SLC38A1: variants seen among roughly 807,000 people sequenced by gnomAD.
SLC38A1 encodes sodium-coupled neutral amino acid symporter 1.
A neutral mutation model predicts 60.3 loss-of-function variants in SLC38A1; 18 were observed. The observed-to-expected ratio is 0.30, with a 90% confidence interval of 0.21 to 0.44. SLC38A1 has a LOEUF of 0.44. Among genes scored for constraint, SLC38A1 ranks in the 20% least tolerant of loss-of-function variants. The pLI, the probability that SLC38A1 is intolerant of heterozygous loss-of-function variation, is 1.00. For missense variants in SLC38A1, 448 were observed against 587.2 expected (o/e 0.76, Z 2.45); for synonymous variants, 196 against 212.1 (o/e 0.92, Z 0.66).
chr12:46,240,586 A>C (rs1046369463), intron 2 of SLC38A1, among the ~76,000 whole-genome samples: 3 of 152,236 alleles, frequency 2.0e-5, no homozygotes, highest in African/African-American at 4.8e-5. Context: ...CTGCACAGAC[A>C]CAAAAGCACC....
rs1451340870 is a variant in SLC38A1, at chr12:46,186,864, T to G, written c.*2106A>C. Reference sequence around the variant, plus strand: ...AAAATAGAAAGTAGCATAATATAGCTTGCAAACTAAATTATGTATTTTTAA... The same window carrying G: ...AAAATAGAAAGTAGCATAATATAGCGTGCAAACTAAATTATGTATTTTTAA... On this transcript the variant is annotated 3_prime_UTR_variant, in exon 17 of 17. Coordinates refer to ENST00000398637, the MANE Select transcript of SLC38A1 (RefSeq NM_030674.4). The G allele has an allele frequency of 6.6e-6, 1 of 152,196 alleles. No individual in the cohort carries two copies. Among genetic ancestry groups the G allele is most frequent in the African/African-American group, 2.4e-5 (1 of 41,454 alleles). 9.4% of individuals were successfully genotyped at this position (152,196 alleles called of 1,614,324 possible).
At chr12:46,229,036 C>G in intron 5 of SLC38A1, 117 bp downstream of exon 5, 1 of 594,564 alleles carries the variant, frequency 1.7e-6, no homozygotes, top group Non-Finnish European at 2.9e-6. Flanking sequence ...GTACTTGTAA[C>G]TTAGCCAAGT....
At chr12:46,224,344 A>T (rs1364948305) in intron 5 of SLC38A1, among the ~76,000 whole-genome samples, 1 of 152,156 alleles carries the variant, frequency 6.6e-6, no homozygotes, top group Non-Finnish European at 1.5e-5. Flanking sequence ...AAAATCCAGC[A>T]CCATTCTTAC....
At chr12:46,203,959 T>G (rs1939775780) in intron 11 of SLC38A1, among the ~76,000 whole-genome samples, 1 of 152,188 alleles carries the variant, frequency 6.6e-6, no homozygotes, top group Non-Finnish European at 1.5e-5. Flanking sequence ...CTGTGCAACC[T>G]GAGGAAGTCT....
intron 5 of SLC38A1, among the ~76,000 whole-genome samples, chr12:46,212,277 T>G (rs1273755205): frequency 1.3e-5 from 2 of 152,238 alleles, no homozygotes; most frequent in East Asian, 3.8e-4. Context: ...GAGAAACACA[T>G]GCTGGGATTC....
At chr12:46,226,617 CTTTTTTTTTTTTTT>C (rs199599486) in intron 5 of SLC38A1, among the ~76,000 whole-genome samples, 4 of 123,010 alleles carry the variant, frequency 3.3e-5, no homozygotes, top group South Asian at 2.5e-4. Context: ...CATGGATTTC[CTTTTTTTTTTTTTT>C]TTTTTTTTTT....
intron 1 of SLC38A1, among the ~76,000 whole-genome samples, chr12:46,245,853 C>A (rs1941596608): frequency 6.6e-6 from 1 of 152,100 alleles, no homozygotes; most frequent in Non-Finnish European, 1.5e-5. Context: ...GATTTTTCTT[C>A]CTTTTTTATT....
intron 5 of SLC38A1, among the ~76,000 whole-genome samples, chr12:46,214,333 G>A (rs1434285817): frequency 1.3e-5 from 2 of 152,124 alleles, no homozygotes; most frequent in African/African-American, 4.8e-5. Flanking sequence ...TCTTTTTGCT[G>A]CAAGAAAATT....
intron 1 of SLC38A1, among the ~76,000 whole-genome samples, chr12:46,243,952 G>C (rs1292733873): frequency 1.3e-5 from 2 of 152,188 alleles, no homozygotes; most frequent in Non-Finnish European, 1.5e-5. Flanking sequence ...TGGCGTTATA[G>C]ATCAAAGGAG....
chr12:46,192,392 C>A lies in SLC38A1; in HGVS notation c.1363-3321G>T, dbSNP rs202012220. Among the ~76,000 whole-genome samples the A allele has an allele frequency of 3.0e-4, 46 of 152,130 alleles. No homozygotes were observed. In the East Asian group the frequency reaches 8.3e-3, roughly 27 times the overall value. On this transcript the variant is annotated intron_variant, in intron 16 of 16. Transcript: ENST00000398637. Reference sequence around the variant, plus strand: ...TCCTCAGGGATATTGGCCTAAAATTCTCTTTTTTTGTTGTGTCTCCACCAG... The same window carrying A: ...TCCTCAGGGATATTGGCCTAAAATTATCTTTTTTTGTTGTGTCTCCACCAG...
intron 1 of SLC38A1, among the ~76,000 whole-genome samples, chr12:46,247,553 G>A (rs150808226): frequency 1.3e-3 from 194 of 152,300 alleles, no homozygotes; most frequent in African/African-American, 4.1e-3. Context: ...CCAAATCTAC[G>A]TTTGACTGGT....
intron 14 of SLC38A1, 32 bp from the exon 15 acceptor site, chr12:46,198,092 T>A: frequency 6.2e-7 from 1 of 1,607,224 alleles, no homozygotes; most frequent in South Asian, 1.1e-5. Context: ...ATTCTGTAAG[T>A]GCCTACAGCA....
intron 1 of SLC38A1, among the ~76,000 whole-genome samples, chr12:46,250,777 A>G (rs1197240773): frequency 6.6e-6 from 1 of 152,196 alleles, no homozygotes; most frequent in Non-Finnish European, 1.5e-5. Flanking sequence ...TAGGAATCCA[A>G]CTTACAAGGG....
chr12:46,204,825 A>T (rs1406770299), intron 9 of SLC38A1, among the ~76,000 whole-genome samples: 1 of 152,168 alleles, frequency 6.6e-6, no homozygotes, highest in East Asian at 1.9e-4. Context: ...GAATAGAAAC[A>T]TTATATTACG....
intron 12 of SLC38A1, among the ~76,000 whole-genome samples, chr12:46,202,684 G>A (rs866882483): frequency 1.3e-5 from 2 of 152,118 alleles, no homozygotes; most frequent in South Asian, 2.1e-4. Flanking sequence ...TGCAAAATAC[G>A]CATACGTAAT....
chr12:46,238,452 T>C (rs1941332192), intron 3 of SLC38A1, among the ~76,000 whole-genome samples: 1 of 152,232 alleles, frequency 6.6e-6, no homozygotes, highest in African/African-American at 2.4e-5. Flanking sequence ...TCTACAAAGA[T>C]GCCTGGTTAG....
At chr12:46,249,511 T>G (rs1378412926) in intron 1 of SLC38A1, among the ~76,000 whole-genome samples, 1 of 151,732 alleles carries the variant, frequency 6.6e-6, no homozygotes, top group Non-Finnish European at 1.5e-5. Context: ...GAGATAGAGA[T>G]ACAAAAAAAC....
intron 5 of SLC38A1, among the ~76,000 whole-genome samples, chr12:46,216,792 G>A (rs149826080): frequency 1.3e-5 from 2 of 152,166 alleles, no homozygotes; most frequent in East Asian, 3.9e-4. Flanking sequence ...CCCGGGAGGC[G>A]GAGGTTGCAG....
intron 16 of SLC38A1, chr12:46,196,099 A>T: frequency 6.6e-7 from 1 of 1,522,268 alleles, no homozygotes; most frequent in Non-Finnish European, 8.8e-7. Context: ...AACCTCAGGT[A>T]TTTCTTTATT....
Sources: allele counts gnomAD v4.1 joint callset (sites outside exome capture counted in the v4.1 genomes callset), GRCh38; gene constraint gnomAD v4.1.1; transcripts MANE v1.5; gene names NCBI Gene and HGNC (gene_info 2026-07-23, HGNC 2026-07-21).